Variants in TM6SF1 observed in about 807,000 individuals in gnomAD.
TM6SF1 encodes transmembrane 6 superfamily member 1.
In TM6SF1, 43 loss-of-function variants were observed where a neutral mutation model predicts 47.1. The ratio of observed to expected loss-of-function variants is 0.91; its 90% CI spans 0.72 to 1.18. The LOEUF is 1.18. Ranked by LOEUF, TM6SF1 falls within the 50% of genes most tolerant of loss-of-function variation. The probability of loss-of-function intolerance (pLI) is 0.00; values close to 1 mark genes in which losing one functional copy is unlikely to be tolerated. For synonymous variants in TM6SF1, 177 were observed against 166.3 expected (o/e 1.06, Z -0.49); for missense variants, 390 against 449.0 (o/e 0.87, Z 1.19).
At chr15:83,134,201 C>T (rs1021908334) in intron 9 of TM6SF1, 2 of 151,848 alleles carry the variant, frequency 1.3e-5, no homozygotes, top group African/African-American at 4.8e-5. Flanking sequence ...AGTGGGCTTA[C>T]AATCTAATCT....
At chr15:83,126,622 G>A (rs1025203480) in intron 7 of TM6SF1, 133 bp from the exon 8 acceptor site, 10 of 642,364 alleles carry the variant, frequency 1.6e-5, no homozygotes, top group Admixed American at 2.7e-5. Context: ...CATCATTGAT[G>A]AGCCTCTACA....
At position 83,119,654 on chromosome 15, in the gene TM6SF1, T is replaced by C. The variant is rs2151356359; in HGVS notation, c.371T>C (p.Leu124Pro). 1 of 1,614,210 alleles carries C rather than the reference T, an allele frequency of 6.2e-7. No homozygotes were observed. Among genetic ancestry groups the C allele is most frequent in the Non-Finnish European group, 8.5e-7 (1 of 1,180,008 alleles). The change falls in exon 4 of 10, where the codon CTG (leucine) becomes CCG (proline). Residue 124 changes from leucine (L) to proline (P), a missense_variant. Transcript: ENST00000322019. Reference sequence around the variant, plus strand: ...GGCTCTGCTCATTATCTGATGTACCTGGTGATGGTGGCAGCCATAGCATGG... The same window carrying C: ...GGCTCTGCTCATTATCTGATGTACCCGGTGATGGTGGCAGCCATAGCATGG... Reference protein sequence around the residue: ...WDGSAHYLMYLVMVAAIAWEE... With the variant: ...WDGSAHYLMYPVMVAAIAWEE...
At chr15:83,123,451 C>G (rs2035453737) in intron 6 of TM6SF1, among the ~76,000 whole-genome samples, 1 of 152,170 alleles carries the variant, frequency 6.6e-6, no homozygotes, top group Non-Finnish European at 1.5e-5. Flanking sequence ...CATTTCTAAG[C>G]TAGTTTCTCT....
In TM6SF1 at chr15:83,130,163, C is replaced by T. The variant is rs777491797; in HGVS notation, c.921+2686C>T. 9.0e-4 allele frequency: 137 copies of T among 152,212 alleles called. 1 individual carries two copies. The highest frequency in any genetic ancestry group is 2.9e-4 in the Non-Finnish European group (20 of 68,100). The allele number at this position is 152,212 out of a possible 1,614,324, so 9.4% of individuals were successfully genotyped here. A position where few individuals can be genotyped will look rare whatever the true frequency, so the allele number is the denominator to read the frequency against. On this transcript the variant is annotated intron_variant, in intron 9 of 9. Coordinates refer to ENST00000322019, the MANE Select transcript of TM6SF1 (RefSeq NM_023003.5). Reference sequence around the variant, plus strand: ...TTGGACCTGGTCAAGTCTCAGGAGACAAATGGAAACAGCAGGAAAACCTAG... The same window carrying T: ...TTGGACCTGGTCAAGTCTCAGGAGATAAATGGAAACAGCAGGAAAACCTAG...
chr15:83,136,615 T>C lies in TM6SF1; in HGVS notation c.1056T>C (p.Arg352=), dbSNP rs2036631600. Residue 352 remains arginine, a synonymous_variant, in exon 10 of 10, where the codon CGT becomes CGC. Coordinates refer to ENST00000322019, the MANE Select transcript of TM6SF1 (RefSeq NM_023003.5). ...TTCTTCCTCAGCTCTTGGCCTATCG[T>C]TGTATCTACAAACCAGAGTTCTTCA... ...YGVLPQLLAY[R]CIYKPEFFIK... 2 of 1,612,308 alleles carry C rather than the reference T, an allele frequency of 1.2e-6. No individual in the cohort carries two copies. Among genetic ancestry groups the C allele is most frequent in the African/African-American group, 1.3e-5 (1 of 74,934 alleles).
intron 9 of TM6SF1, chr15:83,133,670 TG>T (rs2151386042): frequency 6.6e-6 from 1 of 152,386 alleles, no homozygotes; most frequent in African/African-American, 2.4e-5. Context: ...CTGAGCCACC[TG>T]ACCCCAGCAC....
chr15:83,136,434 T>A (rs377072099), intron 9 of TM6SF1, 47 bp from the exon 10 acceptor site: 1 of 1,512,232 alleles, frequency 6.6e-7, no homozygotes, highest in East Asian at 2.3e-5. Context: ...TGCATCCAAC[T>A]GAACACGTTT....
At chr15:83,111,194 C>T (rs183974302) in intron 1 of TM6SF1, among the ~76,000 whole-genome samples, 25 of 152,142 alleles carry the variant, frequency 1.6e-4, no homozygotes, top group African/African-American at 5.1e-4. Flanking sequence ...TAGAATTGAT[C>T]CATCTATCAT....
intron 7 of TM6SF1, 78 bp downstream of exon 7, chr15:83,124,854 T>C (rs1005801162): frequency 6.9e-6 from 9 of 1,302,774 alleles, no homozygotes; most frequent in African/African-American, 1.5e-5. Flanking sequence ...TAGAAATATG[T>C]TTTTGTTTTT....
chr15:83,116,304 GT>G (rs1450778626), intron 3 of TM6SF1, among the ~76,000 whole-genome samples: 6 of 152,144 alleles, frequency 3.9e-5, no homozygotes, highest in African/African-American at 1.4e-4. Context: ...TCTTAAATTT[GT>G]AAAGTACCCA....
rs1422901361 is a variant in TM6SF1, at chr15:83,124,902, C to G, written c.708+126C>G. Reference sequence around the variant, plus strand: ...TTAGCAAACTAACAAACCATTCCTCCCATCAAAGCCTGGAGCCCTGGACCT... The same window carrying G: ...TTAGCAAACTAACAAACCATTCCTCGCATCAAAGCCTGGAGCCCTGGACCT... On this transcript the variant is annotated intron_variant, in intron 7 of 9. Transcript: ENST00000322019. The G allele has an allele frequency of 4.9e-6, 4 of 812,524 alleles. No individual in the cohort carries two copies. The African/African-American group carries it at 7.0e-5, about 14-fold the overall frequency. 50.3% of individuals were successfully genotyped at this position (812,524 alleles called of 1,614,324 possible). A position where few individuals can be genotyped will look rare whatever the true frequency, so the allele number is the denominator to read the frequency against.
intron 9 of TM6SF1, chr15:83,135,185 A>G (rs1233613065): frequency 6.6e-6 from 1 of 152,252 alleles, no homozygotes; most frequent in Non-Finnish European, 1.5e-5. Flanking sequence ...AATGCAGCCC[A>G]TTAAAATATC....
chr15:83,117,847 A>G (rs940231660), intron 3 of TM6SF1, among the ~76,000 whole-genome samples: 1 of 152,072 alleles, frequency 6.6e-6, no homozygotes, highest in Admixed American at 6.6e-5. Flanking sequence ...ATGGGTTGGA[A>G]GGAGGGGACA....
intron 9 of TM6SF1, chr15:83,136,266 G>A (rs1446241248): frequency 1.5e-5 from 6 of 413,134 alleles, no homozygotes; most frequent in Admixed American, 1.2e-4. Flanking sequence ...TATTTGAACA[G>A]TCATATCAAG....
intron 1 of TM6SF1, chr15:83,111,798 G>A: frequency 2.0e-6 from 1 of 505,354 alleles, no homozygotes; most frequent in Non-Finnish European, 2.6e-6. Context: ...AACTCCTAGT[G>A]GGTAGAGCTC....
chr15:83,107,990 C>A lies in TM6SF1; in HGVS notation c.92+218C>A. On this transcript the variant is annotated intron_variant, in intron 1 of 9. Coordinates refer to ENST00000322019, the MANE Select transcript of TM6SF1 (RefSeq NM_023003.5). This position sits in a 1 kb window ranked among gnomAD's most constrained non-coding sequence, Gnocchi z 5.6. ...CCGGGCCCTGAGGTGCCCAGGCTGG[C>A]GCATTTCGGGATGTTGGTGCCAGCA... 1 of 980,946 alleles carries A rather than the reference C, an allele frequency of 1.0e-6. No homozygotes were observed. Among genetic ancestry groups the A allele is most frequent in the Non-Finnish European group, 1.3e-6 (1 of 746,656 alleles). The allele number at this position is 980,946 out of a possible 1,614,324, so 60.8% of individuals were successfully genotyped here. A position where few individuals can be genotyped will look rare whatever the true frequency, so the allele number is the denominator to read the frequency against.
Position 83,107,934 on chromosome 15 carries a change from C to T in TM6SF1, c.92+162C>T. ...CGCGCCTGGCCAGACTAGGGGGGCG[C>T]CCCAGGGGTCGCACGGGCCGGGTCT... On this transcript the variant is annotated intron_variant, in intron 1 of 9. Transcript: ENST00000322019. This position sits in a 1 kb window ranked among gnomAD's most constrained non-coding sequence, Gnocchi z 5.6. 1 of 1,263,098 alleles carries T rather than the reference C, an allele frequency of 7.9e-7. No homozygotes were observed. Among genetic ancestry groups the T allele is most frequent in the South Asian group, 2.2e-5 (1 of 44,776 alleles). The allele number at this position is 1,263,098 out of a possible 1,614,324, so 78.2% of individuals were successfully genotyped here. A position where few individuals can be genotyped will look rare whatever the true frequency, so the allele number is the denominator to read the frequency against.
intron 1 of TM6SF1, 36 bp from the exon 2 acceptor site, chr15:83,112,761 T>G (rs1386822928): frequency 6.8e-7 from 1 of 1,470,794 alleles, no homozygotes; most frequent in South Asian, 1.1e-5. Flanking sequence ...TGTGTTTATT[T>G]TGATAGTGAC....
At chr15:83,111,504 T>C (rs528449546) in intron 1 of TM6SF1, 21 of 407,434 alleles carry the variant, frequency 5.2e-5, no homozygotes, top group African/African-American at 5.0e-4. Flanking sequence ...TCCATCCATC[T>C]ATCCATCCAC....
Sources: allele counts gnomAD v4.1 joint callset (sites outside exome capture counted in the v4.1 genomes callset), GRCh38; gene constraint gnomAD v4.1.1; non-coding constraint Gnocchi (gnomAD v3.1); transcripts MANE v1.5; gene names NCBI Gene and HGNC (gene_info 2026-07-23, HGNC 2026-07-21).